The following HIPK3 variants were observed in gnomAD, a reference collection of about 807,000 sequenced individuals.
The protein encoded by HIPK3 is homeodomain interacting protein kinase 3.
In HIPK3, 47 loss-of-function variants were observed where a neutral mutation model predicts 124.2. That is an observed-to-expected ratio of 0.38 (90% CI 0.30 to 0.48). The LOEUF is 0.48. Among genes scored for constraint, HIPK3 ranks in the 20% least tolerant of loss-of-function variants. HIPK3 has a pLI of 0.98. For synonymous variants in HIPK3, 482 were observed against 515.2 expected (o/e 0.94, Z 0.87); for missense variants, 1,286 against 1,454.3 (o/e 0.88, Z 1.88).
At position 33,352,164 on chromosome 11, in the gene HIPK3, G is replaced by A; in HGVS notation, c.3070G>A (p.Gly1024Arg). 6.2e-7 allele frequency: 1 copy of A among 1,613,692 alleles called. No homozygotes were observed. Among genetic ancestry groups the A allele is most frequent in the Non-Finnish European group, 8.5e-7 (1 of 1,179,684 alleles). The change falls in exon 16 of 17, where the codon GGA (glycine) becomes AGA (arginine). Residue 1024 changes from glycine (G) to arginine (R), a missense_variant. Physicochemically the swap from Gly to Arg is moderately radical, Grantham distance 125. Transcript: ENST00000303296. ...TDSICQPLIK[G>R]RSAPGRLNQP... ...TTCTATATGCCAGCCATTAATAAAA[G>A]GACGATCTGCCCCTGGAAGATTAAA...
intron 2 of HIPK3, among the ~76,000 whole-genome samples, chr11:33,308,826 G>A (rs1444665282): frequency 6.8e-6 from 1 of 147,826 alleles, no homozygotes; most frequent in Non-Finnish European, 1.5e-5. Flanking sequence ...AAAATGATCT[G>A]TATATTTCTG....
At chr11:33,340,257 G>A (rs1024447014) in intron 6 of HIPK3, among the ~76,000 whole-genome samples, 1 of 152,122 alleles carries the variant, frequency 6.6e-6, no homozygotes, top group Admixed American at 6.5e-5. Flanking sequence ...CAAATTTTTC[G>A]TAGAGATGGG....
chr11:33,319,183 C>T (rs1852590979), intron 2 of HIPK3, among the ~76,000 whole-genome samples: 1 of 152,152 alleles, frequency 6.6e-6, no homozygotes, highest in Admixed American at 6.5e-5. Context: ...GGTAGAAGAA[C>T]AATGCAGTAA....
intron 4 of HIPK3, among the ~76,000 whole-genome samples, 159 bp from the exon 5 acceptor site, chr11:33,338,598 C>CG (rs1384698280): frequency 6.6e-6 from 1 of 151,206 alleles, no homozygotes; most frequent in Non-Finnish European, 1.5e-5. Flanking sequence ...AAGCACTTCT[C>CG]ATTTTTTTTT....
chr11:33,333,695 T>G (rs1853055946), intron 3 of HIPK3, among the ~76,000 whole-genome samples: 2 of 152,250 alleles, frequency 1.3e-5, no homozygotes, highest in Non-Finnish European at 2.9e-5. Context: ...GTTTGTTTTT[T>G]GTTTTACAGA....
At chr11:33,264,967 A>G (rs1222101599) in intron 1 of HIPK3, among the ~76,000 whole-genome samples, 1 of 152,234 alleles carries the variant, frequency 6.6e-6, no homozygotes, top group South Asian at 2.1e-4. Flanking sequence ...GGTAAACTAT[A>G]CAACTTTAGA....
chr11:33,352,309 T>A, intron 16 of HIPK3, 44 bp downstream of exon 16: 1 of 1,598,050 alleles, frequency 6.3e-7, no homozygotes, highest in African/African-American at 1.3e-5. Context: ...GGATTCAAAT[T>A]TAGCAGTTGT....
intron 2 of HIPK3, among the ~76,000 whole-genome samples, chr11:33,314,380 G>A (rs955858329): frequency 1.3e-5 from 2 of 152,006 alleles, no homozygotes; most frequent in Non-Finnish European, 2.9e-5. Context: ...AGGCTGGGGA[G>A]GGTGGCTCAT....
intron 2 of HIPK3, among the ~76,000 whole-genome samples, chr11:33,314,549 G>T (rs1852441277): frequency 6.6e-6 from 1 of 152,114 alleles, no homozygotes; most frequent in African/African-American, 2.4e-5. Flanking sequence ...CCAGCTACTT[G>T]GGAGGTTGAG....
chr11:33,294,153 G>T (rs11032222), intron 2 of HIPK3, among the ~76,000 whole-genome samples: 3 of 147,862 alleles, frequency 2.0e-5, no homozygotes, highest in Non-Finnish European at 3.0e-5. Context: ...GACTCCATCT[G>T]AAAAAGAAAA....
intron 2 of HIPK3, among the ~76,000 whole-genome samples, chr11:33,321,854 TA>T (rs1222334232): frequency 2.6e-5 from 4 of 152,194 alleles, no homozygotes; most frequent in South Asian, 2.1e-4. Context: ...TACTCGCTAT[TA>T]GGGGGAGAGC....
rs1041630046 is a variant in HIPK3, at chr11:33,287,236, C to T, written c.822C>T (p.Val274=). 1.9e-6 allele frequency: 3 copies of T among 1,614,118 alleles called. No individual in the cohort carries two copies. Among genetic ancestry groups the T allele is most frequent in the Admixed American group, 3.3e-5 (2 of 60,016 alleles). The change falls in exon 2 of 17, where the codon GTC becomes GTT. Residue 274 remains valine (V), a synonymous_variant. Coordinates refer to ENST00000303296, the MANE Select transcript of HIPK3 (RefSeq NM_005734.5). ...AGCACCGTAACCATACTTGTTTAGT[C>T]TTTGAGATGCTGGAACAAAACTTGT... ...CFQHRNHTCL[V]FEMLEQNLYD... is the part of the protein sequence containing the mutation.
chr11:33,260,107 AATGG>A (rs780776278), intron 1 of HIPK3, among the ~76,000 whole-genome samples: 1 of 152,174 alleles, frequency 6.6e-6, no homozygotes, highest in Non-Finnish European at 1.5e-5. Flanking sequence ...GTCACATTAA[AATGG>A]ATGGTTTATA....
At chr11:33,353,044 C>T in intron 16 of HIPK3, 48 bp from the exon 17 acceptor site, 1 of 1,107,204 alleles carries the variant, frequency 9.0e-7, no homozygotes, top group South Asian at 1.5e-5. Context: ...TTCCTTTTAT[C>T]TTTTAAGGTA....
intron 2 of HIPK3, among the ~76,000 whole-genome samples, chr11:33,310,270 G>A (rs1423918448): frequency 0.43 from 40,845 of 94,206 alleles, 6,449 homozygotes; most frequent in Non-Finnish European, 0.51. Flanking sequence ...CTGTCTGTCT[G>A]TCTGTCTATC....
At chr11:33,330,300 A>G (rs184583186) in intron 3 of HIPK3, among the ~76,000 whole-genome samples, 2 of 152,226 alleles carry the variant, frequency 1.3e-5, no homozygotes, top group East Asian at 3.9e-4. Flanking sequence ...ATAGTCTCAC[A>G]GTTCAGTGGG....
At position 33,287,140 on chromosome 11, in the gene HIPK3, G is replaced by T. The variant is rs1370255016; in HGVS notation, c.726G>T (p.Val242=). The T allele has an allele frequency of 6.2e-7, 1 of 1,614,050 alleles. No individual in the cohort carries two copies. Among genetic ancestry groups the T allele is most frequent in the Non-Finnish European group, 8.5e-7 (1 of 1,180,030 alleles). ...PSYARQGQIE[V]SILARLSTEN... ...ATGCCCGTCAAGGTCAAATAGAAGT[G>T]AGCATATTAGCAAGGCTCAGTACTG... Residue 242 remains valine (V), a synonymous_variant, in exon 2 of 17, where the codon GTG becomes GTT. Coordinates refer to ENST00000303296, the MANE Select transcript of HIPK3 (RefSeq NM_005734.5).
At chr11:33,319,630 G>C (rs1852605757) in intron 2 of HIPK3, among the ~76,000 whole-genome samples, 1 of 152,056 alleles carries the variant, frequency 6.6e-6, no homozygotes, top group Non-Finnish European at 1.5e-5. Context: ...GTTCATACTT[G>C]TTCAGCTCTT....
In HIPK3 at chr11:33,353,625, T is replaced by A. The variant is rs1446553141; in HGVS notation, c.*57T>A. 2 of 1,165,568 alleles carry A rather than the reference T, an allele frequency of 1.7e-6. No individual in the cohort carries two copies. Among genetic ancestry groups the A allele is most frequent in the African/African-American group, 1.5e-5 (1 of 65,504 alleles). The allele number at this position is 1,165,568 out of a possible 1,614,324, so 72.2% of individuals were successfully genotyped here. A position where few individuals can be genotyped will look rare whatever the true frequency, so the allele number is the denominator to read the frequency against. ...AAACATTTGATTAAAAATAAAAACA[T>A]GGTATTTAATATTAGCCATGGCACA... On this transcript the variant is annotated 3_prime_UTR_variant, in exon 17 of 17. Transcript: ENST00000303296.
Sources: allele counts gnomAD v4.1 joint callset (sites outside exome capture counted in the v4.1 genomes callset), GRCh38; gene constraint gnomAD v4.1.1; transcripts MANE v1.5; gene names NCBI Gene and HGNC (gene_info 2026-07-23, HGNC 2026-07-21).